TMEM181: variants seen among roughly 807,000 people sequenced by gnomAD.
TMEM181 encodes the protein transmembrane protein 181, also known as G protein-coupled receptor 178.
A neutral mutation model predicts 71.9 loss-of-function variants in TMEM181; 39 were observed. The observed-to-expected ratio is 0.54, with a 90% CI of 0.42 to 0.71. TMEM181 has a LOEUF of 0.71. Ranked by LOEUF, TMEM181 falls within the 30% of genes least tolerant of loss-of-function variation. TMEM181 has a pLI of 0.00. For synonymous variants in TMEM181, 245 were observed against 228.8 expected (o/e 1.07, Z -0.64); for missense variants, 595 against 583.0 (o/e 1.02, Z -0.21).
chr6:158,594,330 C>T (rs2128308046), intron 6 of TMEM181, among the ~76,000 whole-genome samples: 1 of 152,086 alleles, frequency 6.6e-6, no homozygotes, highest in South Asian at 2.1e-4. Flanking sequence ...AACTCCTGAC[C>T]TCTGGTGATC....
At chr6:158,606,133 C>T (rs1003444608) in intron 7 of TMEM181, among the ~76,000 whole-genome samples, 1 of 150,290 alleles carries the variant, frequency 6.7e-6, no homozygotes, top group Non-Finnish European at 1.5e-5. Flanking sequence ...AGGGCGTGGG[C>T]GCTAGAGCCA....
chr6:158,558,706 A>T (rs1159375293), upstream of TMEM181, among the ~76,000 whole-genome samples: 1 of 152,176 alleles, frequency 6.6e-6, no homozygotes, highest in African/African-American at 2.4e-5. Context: ...GCAGCTCCTT[A>T]TGTAAGGACT....
chr6:158,597,173 TTCTC>T (rs1207484708), intron 6 of TMEM181, among the ~76,000 whole-genome samples: 2 of 152,172 alleles, frequency 1.3e-5, no homozygotes, highest in African/African-American at 4.8e-5. Context: ...AGAAGCTGAT[TTCTC>T]TCTCCTTTTG....
intron 6 of TMEM181, among the ~76,000 whole-genome samples, chr6:158,596,595 A>G (rs1438335408): frequency 6.6e-6 from 1 of 152,200 alleles, no homozygotes; most frequent in Non-Finnish European, 1.5e-5. Context: ...AATCAAATTC[A>G]GGGTAAAAAT....
chr6:158,570,957 G>C (rs1203565417), intron 1 of TMEM181, among the ~76,000 whole-genome samples: 1 of 150,954 alleles, frequency 6.6e-6, no homozygotes, highest in Non-Finnish European at 1.5e-5. Context: ...TCTGTCACCT[G>C]GCTGGAGTGC....
At chr6:158,557,281 G>A (rs116609286), upstream of TMEM181, among the ~76,000 whole-genome samples, 464 of 152,174 alleles carry the variant, frequency 3.0e-3, 1 homozygote, top group African/African-American at 0.011. Flanking sequence ...GACTGAGGCC[G>A]GAGGATCTTT....
intron 4 of TMEM181, 62 bp from the exon 5 acceptor site, chr6:158,585,242 G>A (rs959472250): frequency 6.1e-5 from 91 of 1,493,140 alleles, no homozygotes; most frequent in Non-Finnish European, 7.6e-5. Context: ...AGCCAGGAAG[G>A]CACCTTTGTA....
At chr6:158,606,037 C>T (rs1784929461) in intron 7 of TMEM181, among the ~76,000 whole-genome samples, 1 of 152,150 alleles carries the variant, frequency 6.6e-6, no homozygotes, top group African/African-American at 2.4e-5. Context: ...ATGTGTCCAC[C>T]CAGGAACACT....
intron 5 of TMEM181, among the ~76,000 whole-genome samples, chr6:158,586,355 A>C (rs1783774303): frequency 6.6e-6 from 1 of 152,248 alleles, no homozygotes; most frequent in Non-Finnish European, 1.5e-5. Flanking sequence ...AAGTAATGTC[A>C]GAAGCCAGAT....
At position 158,631,850 on chromosome 6, in the gene TMEM181, A is replaced by G; in HGVS notation, c.1390A>G (p.Ile464Val). 1 of 1,600,068 alleles carries G rather than the reference A, an allele frequency of 6.2e-7. No individual in the cohort carries two copies. Among genetic ancestry groups the G allele is most frequent in the Non-Finnish European group, 8.5e-7 (1 of 1,172,986 alleles). The part of the protein sequence containing the change: ...EEMPLQNGQA[I>V]RAKYKEESDS... ...AATGCCGCTGCAGAACGGCCAGGCC[A>G]TCCGGGCCAAGTACAAGGAGGAGTC... The change falls in exon 17 of 17, where the codon ATC (isoleucine) becomes GTC (valine). Residue 464 changes from isoleucine (I) to valine (V), a missense_variant. Physicochemically the swap from Ile to Val is conservative, Grantham distance 29. Transcript: ENST00000684151.
At position 158,605,321 on chromosome 6, in the gene TMEM181, T is replaced by C; in HGVS notation, c.547T>C (p.Phe183Leu). 1 of 1,614,120 alleles carries C rather than the reference T, an allele frequency of 6.2e-7. No homozygotes were observed. The highest frequency in any genetic ancestry group is 1.7e-5 in the Admixed American group (1 of 60,010). Residue 183 changes from phenylalanine to leucine, a missense_variant, in exon 7 of 17, where the codon TTT (phenylalanine) becomes CTT (leucine). Coordinates refer to ENST00000684151, the MANE Select transcript of TMEM181 (RefSeq NM_001376852.1). ...GTTGGAAATCTGGTTCCGGTTTTTC[T>C]TTGTGGTGCTCACCTTCATCGTCAC... Reference protein sequence around the residue: ...SRLEIWFRFFFVVLTFIVTCL... With the variant: ...SRLEIWFRFFLVVLTFIVTCL...
At chr6:158,604,881 G>T (rs925238660) in intron 6 of TMEM181, among the ~76,000 whole-genome samples, 1 of 152,064 alleles carries the variant, frequency 6.6e-6, no homozygotes, top group Admixed American at 6.6e-5. Flanking sequence ...TGGTAATTAA[G>T]ATTTTTTTAT....
intron 2 of TMEM181, among the ~76,000 whole-genome samples, chr6:158,577,043 T>C (rs910297381): frequency 1.3e-4 from 14 of 108,476 alleles, no homozygotes; most frequent in African/African-American, 5.4e-4. Flanking sequence ...GCCTGGGCAA[T>C]AGAGCAAGAC....
At position 158,560,097 on chromosome 6, in the gene TMEM181, TC is replaced by T; in HGVS notation, c.-126del. ...CTCGGCGTCGCGCTCTGATGAGTTT[TC>T]CGCGGCCGGCCGCTGCTCAGCCGCT... On this transcript the variant is annotated 5_prime_UTR_variant, in exon 1 of 17. Transcript: ENST00000684151. 3.0e-6 allele frequency: 3 copies of T among 984,920 alleles called. No individual in the cohort carries two copies. Among genetic ancestry groups the T allele is most frequent in the Non-Finnish European group, 2.4e-6 (2 of 829,764 alleles). The allele number at this position is 984,920 out of a possible 1,614,324, so 61.0% of individuals were successfully genotyped here.
rs535119386 is a variant in TMEM181, at chr6:158,567,783, T to A, written c.9-5637T>A. On this transcript the variant is annotated intron_variant, in intron 1 of 16. Transcript: ENST00000684151. The stretch of plus-strand genomic sequence containing the variant: ...ACCTTCCTGAGTCTGAGCTTTCTCA[T>A]CTGAAAGGGGTTGCAGTAGTACCTA... 2.0e-5 allele frequency among the ~76,000 whole-genome samples: 3 copies of A among 152,298 alleles called. No individual in the cohort carries two copies. In the South Asian group the frequency reaches 6.2e-4, roughly 32 times the overall value.
chr6:158,608,503 A>G lies in TMEM181; in HGVS notation c.804+40A>G, dbSNP rs754285919. 20 of 1,613,690 alleles carry G rather than the reference A, an allele frequency of 1.2e-5. 1 individual carries two copies. Among genetic ancestry groups the G allele is most frequent in the Middle Eastern group, 1.7e-4 (1 of 6,026 alleles). ...CCCTCACTGCCGGGGGAGGTTCCAGACTGTGTCCTCCCTCCCGAACTCTGA... is the reference window on the plus strand; with the variant it reads ...CCCTCACTGCCGGGGGAGGTTCCAGGCTGTGTCCTCCCTCCCGAACTCTGA... On this transcript the variant is annotated intron_variant, in intron 9 of 16. Transcript: ENST00000684151.
chr6:158,578,828 A>G (rs1783307912), intron 2 of TMEM181, among the ~76,000 whole-genome samples: 1 of 152,278 alleles, frequency 6.6e-6, no homozygotes, highest in African/African-American at 2.4e-5. Context: ...CTCCAACTAT[A>G]TACTGTCTAC....
intron 6 of TMEM181, among the ~76,000 whole-genome samples, chr6:158,602,950 G>A (rs1205424144): frequency 1.3e-5 from 2 of 152,068 alleles, no homozygotes; most frequent in Non-Finnish European, 2.9e-5. Context: ...GAAATCTGAT[G>A]TCCACCTTAT....
intron 1 of TMEM181, among the ~76,000 whole-genome samples, chr6:158,549,876 A>G (rs530983690): frequency 6.8e-6 from 1 of 146,196 alleles, no homozygotes; most frequent in Admixed American, 6.9e-5. Context: ...CTTTTGTGAT[A>G]GTTTTTGTTA....
Sources: gnomAD v4.1 joint callset for allele counts (sites outside exome capture counted in the v4.1 genomes callset) on GRCh38, gnomAD v4.1.1 for gene constraint, MANE v1.5 for transcripts, NCBI Gene and HGNC (gene_info 2026-07-23, HGNC 2026-07-21) for gene names.